CFDP1: variants seen among roughly 807,000 people sequenced by gnomAD.
CFDP1 encodes the protein chromatin remodeling protein CFDP1, also known as heterochromatin-stabilizing protein CFDP1.
CFDP1 carries 31 observed loss-of-function variants against 40.1 expected under a neutral mutation model. That is an observed-to-expected ratio of 0.77 (90% CI 0.58 to 1.04). The LOEUF (loss-of-function observed/expected upper bound fraction) is 1.04, where lower values mean the gene tolerates loss of function less well. CFDP1 is among the 50% of genes least tolerant of loss of function. The pLI, the probability that CFDP1 is intolerant of heterozygous loss-of-function variation, is 0.00. For missense variants in CFDP1, 423 were observed against 343.4 expected (o/e 1.23, Z -1.83); for synonymous variants, 167 against 120.0 (o/e 1.39, Z -2.56).
At chr16:75,405,780 G>C (rs1361520784) in intron 4 of CFDP1, among the ~76,000 whole-genome samples, 1 of 149,166 alleles carries the variant, frequency 6.7e-6, no homozygotes, top group Non-Finnish European at 1.5e-5. Context: ...TGAGCCAGGC[G>C]TGGTGGTATG....
intron 5 of CFDP1, among the ~76,000 whole-genome samples, chr16:75,341,954 A>G (rs2078530261): frequency 6.6e-6 from 1 of 152,218 alleles, no homozygotes. Context: ...CTGCAAAAGA[A>G]GCAGGTCCCT....
intron 5 of CFDP1, among the ~76,000 whole-genome samples, chr16:75,317,733 A>C (rs1423877857): frequency 6.6e-6 from 1 of 152,180 alleles, no homozygotes. Context: ...CTTATTTTCC[A>C]GATACTGGTT....
At chr16:75,361,587 A>T (rs2078679571) in intron 5 of CFDP1, among the ~76,000 whole-genome samples, 1 of 152,170 alleles carries the variant, frequency 6.6e-6, no homozygotes, top group Non-Finnish European at 1.5e-5. Context: ...ACTGCACTCC[A>T]GCCTGGGCAA....
At chr16:75,394,658 CTTTT>C (rs1162951313) in intron 5 of CFDP1, 17 of 103,300 alleles carry the variant, frequency 1.6e-4, no homozygotes, top group East Asian at 3.0e-4. Flanking sequence ...ATTTTCTTCG[CTTTT>C]TTTTTTTTTT....
chr16:75,367,815 A>G lies in CFDP1; in HGVS notation c.650+27275T>C, dbSNP rs529281809. Among the ~76,000 whole-genome samples, 341 of 145,770 alleles carry G rather than the reference A, an allele frequency of 2.3e-3. 1 individual carries two copies. The highest frequency in any genetic ancestry group is 7.4e-3 in the Middle Eastern group (2 of 272). On this transcript the variant is annotated intron_variant, in intron 5 of 6. Transcript: ENST00000283882. ...CTCAAAAAAAAAAAAAAAAAAACTT[A>G]ACAGCCAGACCGGATATGGTGGCTC... is the stretch of plus-strand genomic sequence containing the variant.
intron 1 of CFDP1, among the ~76,000 whole-genome samples, chr16:75,424,035 G>A (rs774457039): frequency 8.6e-5 from 13 of 151,812 alleles, no homozygotes; most frequent in Admixed American, 2.0e-4. Flanking sequence ...ATCAAACACT[G>A]TAATCCACCA....
intron 5 of CFDP1, among the ~76,000 whole-genome samples, chr16:75,316,741 G>A (rs1162742713): frequency 4.6e-5 from 7 of 152,192 alleles, no homozygotes; most frequent in East Asian, 3.9e-4. Flanking sequence ...AGGCCAAGGC[G>A]GGCGGATCAC....
intron 5 of CFDP1, among the ~76,000 whole-genome samples, chr16:75,329,211 C>G (rs2078427149): frequency 6.6e-6 from 1 of 152,120 alleles, no homozygotes; most frequent in Non-Finnish European, 1.5e-5. Flanking sequence ...GTCTTGAACT[C>G]CTGACCTCAG....
chr16:75,431,454 CAAAAAAAAAAA>C (rs60902612), intron 1 of CFDP1, among the ~76,000 whole-genome samples: 49 of 59,600 alleles, frequency 8.2e-4, no homozygotes, highest in African/African-American at 3.0e-3. Context: ...ACTCTTGTCT[CAAAAAAAAAAA>C]AAAAAAAAAA....
At chr16:75,376,567 TGCCTGGG>T (rs2078798945) in intron 5 of CFDP1, among the ~76,000 whole-genome samples, 1 of 152,200 alleles carries the variant, frequency 6.6e-6, no homozygotes, top group Non-Finnish European at 1.5e-5. Context: ...AATCAGTAGT[TGCCTGGG>T]GCAAAGAGCA....
At position 75,395,528 on chromosome 16, in the gene CFDP1, G is replaced by A. The variant is rs919777682; in HGVS notation, c.531-319C>T. Reference sequence around the variant, plus strand: ...ATAAAAATTAGCTGGGCGTGGTGGCGGGCGCCTGTAGTCCCAGCTACTCGG... The same window carrying A: ...ATAAAAATTAGCTGGGCGTGGTGGCAGGCGCCTGTAGTCCCAGCTACTCGG... On this transcript the variant is annotated intron_variant, in intron 4 of 6. Transcript: ENST00000283882. 7.2e-5 allele frequency among the ~76,000 whole-genome samples: 11 copies of A among 151,876 alleles called. No homozygotes were observed. The South Asian group carries it at 1.5e-3, about 20-fold the overall frequency.
chr16:75,322,204 C>A (rs976992041), intron 5 of CFDP1, among the ~76,000 whole-genome samples: 5 of 152,204 alleles, frequency 3.3e-5, no homozygotes, highest in African/African-American at 1.2e-4. Flanking sequence ...AGTCTTTACA[C>A]AGGAATATTA....
At chr16:75,322,867 G>C (rs1182640398) in intron 5 of CFDP1, among the ~76,000 whole-genome samples, 1 of 152,184 alleles carries the variant, frequency 6.6e-6, no homozygotes, top group Non-Finnish European at 1.5e-5. Context: ...CAGCTGTATA[G>C]GAAGTTTACC....
Position 75,414,672 on chromosome 16 carries a change from C to T in CFDP1, c.88G>A (p.Val30Ile), listed in dbSNP as rs745602732. The T allele has an allele frequency of 3.7e-6, 6 of 1,611,130 alleles. No individual in the cohort carries two copies. In the African/African-American group the frequency reaches 6.7e-5, roughly 18 times the overall value. Residue 30 changes from valine to isoleucine, a missense_variant, in exon 2 of 7, where the codon GTA becomes ATA. Val to Ile is a conservative substitution (Grantham distance 29). Coordinates refer to ENST00000283882, the MANE Select transcript of CFDP1 (RefSeq NM_006324.3). ...PSGGEYSEDD[V>I]NELVKEDEVD... ...TCATCTTCCTTCACTAATTCATTTACATCATCTTCACTATACTCTCCACCT... is the reference window on the plus strand; with the variant it reads ...TCATCTTCCTTCACTAATTCATTTATATCATCTTCACTATACTCTCCACCT...
chr16:75,314,363 A>G (rs1024314300), intron 5 of CFDP1, among the ~76,000 whole-genome samples: 5 of 152,218 alleles, frequency 3.3e-5, no homozygotes, highest in African/African-American at 1.2e-4. Context: ...GAGAGAAGCC[A>G]GGAACAAAGG....
chr16:75,345,613 C>T (rs1395724358), intron 5 of CFDP1, among the ~76,000 whole-genome samples: 1 of 152,142 alleles, frequency 6.6e-6, no homozygotes. Flanking sequence ...TCACTGTTCT[C>T]CTCCCTAGAT....
chr16:75,353,409 C>A (rs2078625943), intron 5 of CFDP1, among the ~76,000 whole-genome samples: 1 of 151,546 alleles, frequency 6.6e-6, no homozygotes, highest in African/African-American at 2.4e-5. Flanking sequence ...TATACAATAC[C>A]TGAAATTTGC....
At position 75,294,052 on chromosome 16, in the gene CFDP1, GAA is replaced by G; in HGVS notation, c.810-12_810-11del. 1 of 1,604,718 alleles carries G rather than the reference GAA, an allele frequency of 6.2e-7. No individual in the cohort carries two copies. Among genetic ancestry groups the G allele is most frequent in the South Asian group, 1.1e-5 (1 of 90,874 alleles). ...TTTCCGTTCAATGTACCTAGAAGATGAAAACAGTGTTTGTCAGTAGAATCCAG... is the reference window on the plus strand; with the variant it reads ...TTTCCGTTCAATGTACCTAGAAGATGAACAGTGTTTGTCAGTAGAATCCAG... On this transcript the variant is annotated splice_polypyrimidine_tract_variant and intron_variant, in intron 6 of 6. Coordinates refer to ENST00000283882, the MANE Select transcript of CFDP1 (RefSeq NM_006324.3).
At chr16:75,398,395 G>C (rs750963048) in intron 4 of CFDP1, among the ~76,000 whole-genome samples, 2 of 152,188 alleles carry the variant, frequency 1.3e-5, no homozygotes, top group African/African-American at 2.4e-5. Context: ...TACTACCCCA[G>C]TTAGAGGGGG....
Sources: gnomAD v4.1 joint callset for allele counts (sites outside exome capture counted in the v4.1 genomes callset) on GRCh38, gnomAD v4.1.1 for gene constraint, MANE v1.5 for transcripts, NCBI Gene and HGNC (gene_info 2026-07-23, HGNC 2026-07-21) for gene names.